Variants in SPECC1 observed in about 807,000 individuals in gnomAD.
SPECC1 encodes the protein cytospin-B.
A neutral mutation model predicts 104.1 loss-of-function variants in SPECC1; 62 were observed. That is an observed-to-expected ratio of 0.60 (90% CI 0.49 to 0.74). The LOEUF (loss-of-function observed/expected upper bound fraction) is 0.74. SPECC1 is among the 30% of genes least tolerant of loss of function. SPECC1 has a pLI of 0.00. For missense variants in SPECC1, 1,306 were observed against 1,310.5 expected (o/e 1.00, Z 0.05); for synonymous variants, 513 against 501.6 (o/e 1.02, Z -0.30).
chr17:20,237,151 G>A (rs557781987), intron 7 of SPECC1: 2 of 1,351,294 alleles, frequency 1.5e-6, no homozygotes, highest in Non-Finnish European at 1.9e-6. Context: ...TTTATTTGGA[G>A]AATAAAATGA....
intron 3 of SPECC1, among the ~76,000 whole-genome samples, chr17:20,164,613 A>AT (rs2033483133): frequency 6.6e-6 from 1 of 152,088 alleles, no homozygotes; most frequent in African/African-American, 2.4e-5. Context: ...TCTTTAACAT[A>AT]TTTGGTTTGA....
chr17:20,285,712 TAA>T (rs901364283), intron 12 of SPECC1, among the ~76,000 whole-genome samples: 2 of 152,112 alleles, frequency 1.3e-5, no homozygotes, highest in African/African-American at 4.8e-5. Flanking sequence ...TCTAGCCCCT[TAA>T]GACAATCAGG....
At chr17:20,265,506 G>A (rs899890671) in intron 12 of SPECC1, among the ~76,000 whole-genome samples, 4 of 152,102 alleles carry the variant, frequency 2.6e-5, no homozygotes, top group African/African-American at 9.7e-5. Context: ...GATATTAGAT[G>A]CATAGTTTGT....
chr17:20,212,247 A>G (rs992579235), intron 4 of SPECC1, among the ~76,000 whole-genome samples: 3 of 152,236 alleles, frequency 2.0e-5, no homozygotes, highest in South Asian at 2.1e-4. Flanking sequence ...AGCAGTGTCT[A>G]TTCACAACAG....
At chr17:20,069,694 G>A (rs2046478417) in intron 1 of SPECC1, among the ~76,000 whole-genome samples, 1 of 152,052 alleles carries the variant, frequency 6.6e-6, no homozygotes, top group African/African-American at 2.4e-5. Context: ...TGGTCTATAT[G>A]ACTGTCTTAC....
At chr17:20,149,845 AAC>A (rs1335854010) in intron 3 of SPECC1, among the ~76,000 whole-genome samples, 1 of 152,244 alleles carries the variant, frequency 6.6e-6, no homozygotes, top group Admixed American at 6.5e-5. Context: ...GAGTTAAAAA[AAC>A]AGTTTTGTTT....
intron 9 of SPECC1, among the ~76,000 whole-genome samples, 186 bp downstream of exon 9, chr17:20,247,505 A>G (rs934674351): frequency 1.3e-5 from 2 of 152,204 alleles, no homozygotes; most frequent in African/African-American, 4.8e-5. Flanking sequence ...AAGCTTCATG[A>G]GGTCAGATAT....
At chr17:20,182,203 T>G (rs1386749069) in intron 3 of SPECC1, among the ~76,000 whole-genome samples, 1 of 147,798 alleles carries the variant, frequency 6.8e-6, no homozygotes, top group Non-Finnish European at 1.5e-5. Flanking sequence ...AGCCTCATCC[T>G]CCAGGGCCCA....
chr17:20,313,913 T>C, intron 14 of SPECC1, 63 bp from the exon 15 acceptor site: 1 of 1,509,850 alleles, frequency 6.6e-7, no homozygotes, highest in Non-Finnish European at 9.1e-7. Context: ...ACTGAAGTCC[T>C]TGAGGGGAAG....
At chr17:20,087,424 CT>C (rs1387291370) in intron 1 of SPECC1, among the ~76,000 whole-genome samples, 4 of 151,998 alleles carry the variant, frequency 2.6e-5, no homozygotes, top group South Asian at 4.2e-4. Context: ...AGTCTGGGGA[CT>C]TTATTATTTT....
chr17:20,159,275 C>T lies in SPECC1; in HGVS notation c.284-45058C>T, dbSNP rs560245876. On this transcript the variant is annotated intron_variant, in intron 3 of 14. Transcript: ENST00000395527. Reference sequence around the variant, plus strand: ...ATGGGATCTTGCCATGTTGCCCAGGCTGGTCCCAAACTCCTGGGCTCAGGT... The same window carrying T: ...ATGGGATCTTGCCATGTTGCCCAGGTTGGTCCCAAACTCCTGGGCTCAGGT... 7.9e-5 allele frequency among the ~76,000 whole-genome samples: 12 copies of T among 152,238 alleles called. No individual in the cohort carries two copies. In the South Asian group the frequency reaches 1.0e-3, roughly 13 times the overall value.
rs755777190 is a variant in SPECC1, at chr17:20,316,059, G to A, written c.*1994G>A. 1.6e-4 allele frequency: 38 copies of A among 232,514 alleles called. No individual in the cohort carries two copies. The highest frequency in any genetic ancestry group is 2.8e-4 in the Non-Finnish European group (33 of 117,658). The allele number at this position is 232,514 out of a possible 1,614,324, so 14.4% of individuals were successfully genotyped here. A position where few individuals can be genotyped will look rare whatever the true frequency, so the allele number is the denominator to read the frequency against. On this transcript the variant is annotated 3_prime_UTR_variant, in exon 15 of 15. Coordinates refer to ENST00000395527, the MANE Select transcript of SPECC1 (RefSeq NM_001243439.2). ...GGGAGCTCCTGAGCAGCTGTTGGGC[G>A]ATGGTCATTACATCACCCATGCCTT...
chr17:20,055,440 A>G lies in SPECC1; in HGVS notation c.-21-41191A>G, dbSNP rs554343268. On this transcript the variant is annotated intron_variant, in intron 1 of 14. Transcript: ENST00000395527. ...CATTTTACATTCTCATAAACAGTGCACAAAAGTTCCAGTTTCTCTACATCC... is the reference window on the plus strand; with the variant it reads ...CATTTTACATTCTCATAAACAGTGCGCAAAAGTTCCAGTTTCTCTACATCC... Among the ~76,000 whole-genome samples, 17 of 152,272 alleles carry G rather than the reference A, an allele frequency of 1.1e-4. No individual in the cohort carries two copies. The South Asian group carries it at 3.5e-3, about 32-fold the overall frequency.
intron 3 of SPECC1, among the ~76,000 whole-genome samples, chr17:20,134,594 G>A (rs1221824895): frequency 6.6e-6 from 1 of 152,142 alleles, no homozygotes; most frequent in Non-Finnish European, 1.5e-5. Context: ...TGTTGAGAAA[G>A]GTACTTCTTA....
chr17:20,078,526 A>C (rs1264804317), intron 1 of SPECC1, among the ~76,000 whole-genome samples: 1 of 152,206 alleles, frequency 6.6e-6, no homozygotes, highest in Non-Finnish European at 1.5e-5. Flanking sequence ...AATATGAATA[A>C]TGTTCCAGCA....
chr17:20,125,420 T>C (rs2049250978), intron 3 of SPECC1, among the ~76,000 whole-genome samples: 1 of 150,842 alleles, frequency 6.6e-6, no homozygotes, highest in Admixed American at 6.6e-5. Flanking sequence ...CATTTTCACA[T>C]TGTGGTAGGA....
chr17:20,273,651 C>T (rs1227740777), intron 12 of SPECC1, among the ~76,000 whole-genome samples: 1 of 152,180 alleles, frequency 6.6e-6, no homozygotes, highest in East Asian at 1.9e-4. Flanking sequence ...CCAACCCATT[C>T]TTCCTGTTTT....
intron 3 of SPECC1, among the ~76,000 whole-genome samples, chr17:20,116,015 TA>T (rs2048736894): frequency 6.6e-6 from 1 of 152,218 alleles, no homozygotes; most frequent in Admixed American, 6.5e-5. Flanking sequence ...GAAATTCTAT[TA>T]GAGACAATAA....
At chr17:20,092,275 G>A (rs1388726001) in intron 1 of SPECC1, among the ~76,000 whole-genome samples, 1 of 121,888 alleles carries the variant, frequency 8.2e-6, no homozygotes, top group Non-Finnish European at 1.9e-5. Context: ...ATCCTTTGTG[G>A]TGTTCATGAG....
Sources: allele counts gnomAD v4.1 joint callset (sites outside exome capture counted in the v4.1 genomes callset), GRCh38; gene constraint gnomAD v4.1.1; transcripts MANE v1.5; gene names NCBI Gene and HGNC (gene_info 2026-07-23, HGNC 2026-07-21).